The following PTPRD variants were observed in gnomAD, a reference collection of about 807,000 sequenced individuals.
PTPRD encodes protein tyrosine phosphatase receptor type D.
In PTPRD, 34 loss-of-function variants were observed where a neutral mutation model predicts 214.5. The ratio of observed to expected loss-of-function variants is 0.16; its 90% confidence interval spans 0.12 to 0.21. The LOEUF (loss-of-function observed/expected upper bound fraction) is 0.21, where lower values mean the gene tolerates loss of function less well. Ranked by LOEUF, PTPRD falls within the 10% of genes least tolerant of loss-of-function variation. The pLI is 1.00. For missense variants in PTPRD, 2,545 were observed against 2,398.7 expected (o/e 1.06, Z -1.27); for synonymous variants, 1,128 against 845.7 (o/e 1.33, Z -5.79).
chr9:10,146,978 G>A (rs1031310566), intron 3 of PTPRD, among the ~76,000 whole-genome samples: 8 of 151,574 alleles, frequency 5.3e-5, no homozygotes, highest in African/African-American at 1.5e-4. Flanking sequence ...TGTAGGTGGC[G>A]ACTTCAAGTC....
intron 3 of PTPRD, among the ~76,000 whole-genome samples, chr9:10,154,760 C>A (rs989913828): frequency 8.9e-6 from 1 of 112,000 alleles, no homozygotes. Flanking sequence ...ATGGCTGTAG[C>A]AGGGTGGCCT....
At chr9:10,444,963 A>G (rs1478585175) in intron 2 of PTPRD, among the ~76,000 whole-genome samples, 1 of 152,076 alleles carries the variant, frequency 6.6e-6, no homozygotes, top group East Asian at 1.9e-4. Flanking sequence ...AAAACACAGA[A>G]AATACAAATG....
intron 44 of PTPRD, among the ~76,000 whole-genome samples, chr9:8,328,459 T>C (rs11524180): frequency 0.15 from 23,516 of 152,090 alleles, 2,261 homozygotes; most frequent in East Asian, 0.35. Context: ...ATTTTTTCCT[T>C]CGTTTCAAGC....
At chr9:10,226,305 G>C (rs1028566360) in intron 3 of PTPRD, among the ~76,000 whole-genome samples, 1 of 152,028 alleles carries the variant, frequency 6.6e-6, no homozygotes, top group Non-Finnish European at 1.5e-5. Flanking sequence ...AAACACTGTG[G>C]AGCTCATGTC....
intron 2 of PTPRD, among the ~76,000 whole-genome samples, chr9:10,607,170 T>C (rs999060362): frequency 5.3e-5 from 8 of 152,020 alleles, no homozygotes; most frequent in African/African-American, 1.4e-4. Context: ...TTTGAGAATA[T>C]AGAGGTAAAA....
intron 36 of PTPRD, among the ~76,000 whole-genome samples, chr9:8,400,735 G>A (rs1487210108): frequency 6.6e-6 from 1 of 152,138 alleles, no homozygotes; most frequent in Non-Finnish European, 1.5e-5. Flanking sequence ...CTGTGTGACT[G>A]TGTGACTCTG....
intron 2 of PTPRD, among the ~76,000 whole-genome samples, chr9:10,606,682 G>C (rs1357701490): frequency 4.0e-5 from 6 of 151,776 alleles, no homozygotes; most frequent in African/African-American, 1.5e-4. Flanking sequence ...ACCAGACAAG[G>C]GAATGGAAGT....
At chr9:8,977,879 G>C (rs555184716) in intron 11 of PTPRD, among the ~76,000 whole-genome samples, 4 of 152,094 alleles carry the variant, frequency 2.6e-5, no homozygotes, top group East Asian at 1.9e-4. Flanking sequence ...ACGTAATATA[G>C]CAGGTCTTAC....
chr9:10,464,797 T>C (rs551269851), intron 2 of PTPRD, among the ~76,000 whole-genome samples: 2 of 152,208 alleles, frequency 1.3e-5, no homozygotes, highest in East Asian at 3.9e-4. Context: ...GTCAGTAGGC[T>C]AAAAACATTA....
At chr9:9,078,732 A>T (rs2154418578) in intron 10 of PTPRD, among the ~76,000 whole-genome samples, 1 of 152,228 alleles carries the variant, frequency 6.6e-6, no homozygotes, top group African/African-American at 2.4e-5. Context: ...ATATGGTTGC[A>T]ACAGAGGACC....
At chr9:10,202,430 A>G (rs2099429790) in intron 3 of PTPRD, among the ~76,000 whole-genome samples, 1 of 151,724 alleles carries the variant, frequency 6.6e-6, no homozygotes. Flanking sequence ...TCCCACTTCC[A>G]AATGCTGTTG....
At position 8,834,958 on chromosome 9, in the gene PTPRD, G is replaced by A. The variant is rs556327937; in HGVS notation, c.-103-101012C>T. Reference sequence around the variant, plus strand: ...CAGAGCAAATAATAACTCACAGCATGGCTGGTGCTTTTGCCTAAAGAGGTT... The same window carrying A: ...CAGAGCAAATAATAACTCACAGCATAGCTGGTGCTTTTGCCTAAAGAGGTT... On this transcript the variant is annotated intron_variant, in intron 11 of 45. Coordinates refer to ENST00000381196, the MANE Select transcript of PTPRD (RefSeq NM_002839.4). 6.6e-5 allele frequency among the ~76,000 whole-genome samples: 10 copies of A among 152,284 alleles called. No homozygotes were observed. In the South Asian group the frequency reaches 1.7e-3, roughly 25 times the overall value.
chr9:8,581,190 T>C (rs921292291), intron 14 of PTPRD, among the ~76,000 whole-genome samples: 10 of 151,382 alleles, frequency 6.6e-5, no homozygotes, highest in African/African-American at 1.5e-4. Flanking sequence ...CTTAGGAATA[T>C]ATTATAAAAA....
chr9:9,208,838 C>T (rs916503539), intron 9 of PTPRD, among the ~76,000 whole-genome samples: 1 of 151,350 alleles, frequency 6.6e-6, no homozygotes, highest in African/African-American at 2.4e-5. Flanking sequence ...GATGGAGTCT[C>T]GCTCTGTCGC....
intron 10 of PTPRD, among the ~76,000 whole-genome samples, chr9:9,146,520 G>A (rs1395109278): frequency 3.3e-5 from 5 of 152,070 alleles, no homozygotes; most frequent in Non-Finnish European, 1.5e-5. Context: ...TGTGGTGGTT[G>A]TCGTTTTTCT....
At chr9:9,854,042 A>G (rs1471102656) in intron 5 of PTPRD, among the ~76,000 whole-genome samples, 1 of 152,194 alleles carries the variant, frequency 6.6e-6, no homozygotes, top group African/African-American at 2.4e-5. Context: ...TTAAAAATAT[A>G]CATTATCATT....
At chr9:9,319,205 T>C (rs1279882111) in intron 9 of PTPRD, among the ~76,000 whole-genome samples, 2 of 152,204 alleles carry the variant, frequency 1.3e-5, no homozygotes, top group African/African-American at 2.4e-5. Flanking sequence ...GCTGCCTTTC[T>C]TCCTTTCTTT....
chr9:8,519,492 A>G (rs772635259), intron 20 of PTPRD, among the ~76,000 whole-genome samples: 10 of 152,188 alleles, frequency 6.6e-5, no homozygotes, highest in Non-Finnish European at 1.5e-4. Flanking sequence ...GGTAACATTC[A>G]TATAATCAGC....
Position 10,330,576 on chromosome 9 carries a change from A to G in PTPRD, c.-545+10387T>C, listed in dbSNP as rs151002074. ...ATGCATACTGCCTGTGCTATATTTTATTGCATCACCTTAACTAAACTGGAA... is the reference window on the plus strand; with the variant it reads ...ATGCATACTGCCTGTGCTATATTTTGTTGCATCACCTTAACTAAACTGGAA... On this transcript the variant is annotated intron_variant, in intron 3 of 45. Transcript: ENST00000381196. Among the ~76,000 whole-genome samples the G allele has an allele frequency of 2.8e-4, 42 of 151,968 alleles. 1 individual carries two copies. The East Asian group carries it at 7.6e-3, about 28-fold the overall frequency.
Sources: gnomAD v4.1 joint callset for allele counts (sites outside exome capture counted in the v4.1 genomes callset) on GRCh38, gnomAD v4.1.1 for gene constraint, MANE v1.5 for transcripts, NCBI Gene and HGNC (gene_info 2026-07-23, HGNC 2026-07-21) for gene names.